DACH1: variants seen among roughly 807,000 people sequenced by gnomAD.
DACH1 encodes the protein dachshund family transcription factor 1.
DACH1 carries 12 observed loss-of-function variants against 54.2 expected under a neutral mutation model. The observed-to-expected ratio is 0.22, with a 90% CI of 0.14 to 0.36. The LOEUF (loss-of-function observed/expected upper bound fraction) is 0.36. DACH1 is among the 10% of genes least tolerant of loss of function. The pLI is 1.00. For synonymous variants in DACH1, 386 were observed against 366.2 expected, an observed-to-expected ratio of 1.05 and a Z score of -0.62; for missense variants, 805 against 929.8, an observed-to-expected ratio of 0.87 and a Z score of 1.75.
At chr13:71,548,115 AC>A (rs1883576553) in intron 6 of DACH1, among the ~76,000 whole-genome samples, 1 of 152,208 alleles carries the variant, frequency 6.6e-6, no homozygotes, top group South Asian at 2.1e-4. Context: ...AAGTGGCAAC[AC>A]TTTCTCTTTT....
chr13:71,495,369 A>C (rs553901107), intron 6 of DACH1, among the ~76,000 whole-genome samples: 1 of 152,058 alleles, frequency 6.6e-6, no homozygotes, highest in South Asian at 2.1e-4. Flanking sequence ...TACTTATAAA[A>C]ATATAAAATT....
At chr13:71,801,486 T>C (rs1020369209) in intron 1 of DACH1, among the ~76,000 whole-genome samples, 14 of 152,096 alleles carry the variant, frequency 9.2e-5, no homozygotes, top group African/African-American at 3.1e-4. Flanking sequence ...AGACTGTCAA[T>C]CAAGCAGAAA....
At chr13:71,749,473 G>C (rs901021944) in intron 1 of DACH1, among the ~76,000 whole-genome samples, 2 of 151,920 alleles carry the variant, frequency 1.3e-5, no homozygotes, top group African/African-American at 4.8e-5. Context: ...ATAAAACCTG[G>C]GCTGATACAC....
intron 1 of DACH1, among the ~76,000 whole-genome samples, chr13:71,790,416 C>T (rs898929984): frequency 4.6e-5 from 7 of 152,090 alleles, no homozygotes; most frequent in Non-Finnish European, 1.0e-4. Flanking sequence ...TTAAGAAAAA[C>T]GAGAAGTCAA....
intron 6 of DACH1, among the ~76,000 whole-genome samples, chr13:71,551,340 T>C (rs1284647531): frequency 6.6e-6 from 1 of 152,172 alleles, no homozygotes; most frequent in Non-Finnish European, 1.5e-5. Context: ...CTTCTAGGTA[T>C]TTTGAAATAT....
intron 1 of DACH1, among the ~76,000 whole-genome samples, chr13:71,709,977 A>G (rs1882632682): frequency 6.6e-6 from 1 of 152,116 alleles, no homozygotes; most frequent in South Asian, 2.1e-4. Context: ...CCTCCCTAAT[A>G]GCTGAGACTA....
chr13:71,492,895 G>T (rs1879104361), intron 6 of DACH1, among the ~76,000 whole-genome samples: 1 of 151,888 alleles, frequency 6.6e-6, no homozygotes, highest in Non-Finnish European at 1.5e-5. Flanking sequence ...TCCAAAATCA[G>T]CAAGAATAAC....
chr13:71,515,590 A>G (rs1390710497), intron 6 of DACH1, among the ~76,000 whole-genome samples: 1 of 151,922 alleles, frequency 6.6e-6, no homozygotes, highest in Non-Finnish European at 1.5e-5. Context: ...CAACCCTCCA[A>G]CAATATCTCT....
At chr13:71,854,164 G>T (rs75474045) in intron 1 of DACH1, among the ~76,000 whole-genome samples, 1 of 152,026 alleles carries the variant, frequency 6.6e-6, no homozygotes, top group Admixed American at 6.6e-5. Flanking sequence ...AAATACAATT[G>T]TATTATATTT....
chr13:71,806,004 T>G (rs1174652190), intron 1 of DACH1, among the ~76,000 whole-genome samples: 3 of 152,042 alleles, frequency 2.0e-5, no homozygotes, highest in Non-Finnish European at 4.4e-5. Context: ...ATGGGGTTTC[T>G]CCATGTTGGT....
intron 1 of DACH1, among the ~76,000 whole-genome samples, chr13:71,763,573 G>T (rs1885491427): frequency 6.6e-6 from 1 of 151,120 alleles, no homozygotes; most frequent in Non-Finnish European, 1.5e-5. Context: ...GTATTGCCCA[G>T]GCTAAACTCA....
intron 2 of DACH1, among the ~76,000 whole-genome samples, chr13:71,640,703 T>C (rs1264868246): frequency 6.6e-6 from 1 of 152,046 alleles, no homozygotes; most frequent in Non-Finnish European, 1.5e-5. Context: ...ACTCAGTGAA[T>C]TGACTCCACG....
At chr13:71,830,836 T>C (rs1352902359) in intron 1 of DACH1, among the ~76,000 whole-genome samples, 1 of 151,860 alleles carries the variant, frequency 6.6e-6, no homozygotes, top group African/African-American at 2.4e-5. Context: ...AGTATATTCT[T>C]AGCAATAACA....
chr13:71,565,272 C>T (rs750643208), intron 4 of DACH1, among the ~76,000 whole-genome samples: 1 of 151,988 alleles, frequency 6.6e-6, no homozygotes, highest in East Asian at 1.9e-4. Context: ...CTTTATATAA[C>T]CAAAACTTCT....
At chr13:71,484,136 G>C (rs192026599) in intron 7 of DACH1, among the ~76,000 whole-genome samples, 87 of 152,248 alleles carry the variant, frequency 5.7e-4, no homozygotes, top group Admixed American at 2.4e-3. Context: ...AGGCTATAGT[G>C]AATCAATCTG....
intron 1 of DACH1, among the ~76,000 whole-genome samples, chr13:71,802,265 T>A (rs905000784): frequency 6.6e-6 from 1 of 151,784 alleles, no homozygotes; most frequent in African/African-American, 2.4e-5. Context: ...CGATTTAAAT[T>A]TAGCCTAGAA....
chr13:71,650,103 T>C, intron 2 of DACH1, among the ~76,000 whole-genome samples: 1 of 152,170 alleles, frequency 6.6e-6, no homozygotes, highest in South Asian at 2.1e-4. Flanking sequence ...TTATAATATA[T>C]TTACTGTTTG....
chr13:71,528,878 T>A, intron 6 of DACH1, among the ~76,000 whole-genome samples: 1 of 152,176 alleles, frequency 6.6e-6, no homozygotes, highest in Non-Finnish European at 1.5e-5. Flanking sequence ...TAGCTATTAA[T>A]ATTAATATTA....
At chr13:71,539,324 C>T (rs577587086) in intron 6 of DACH1, among the ~76,000 whole-genome samples, 1 of 152,028 alleles carries the variant, frequency 6.6e-6, no homozygotes, top group Non-Finnish European at 1.5e-5. Context: ...TGCCTCTTAA[C>T]CATAAAGTTC....
Sources: allele counts gnomAD v4.1 joint callset (sites outside exome capture counted in the v4.1 genomes callset), GRCh38; gene constraint gnomAD v4.1.1; transcripts MANE v1.5; gene names NCBI Gene and HGNC (gene_info 2026-07-23, HGNC 2026-07-21).